ANGPT1: variants seen among roughly 807,000 people sequenced by gnomAD.
The protein encoded by ANGPT1 is angiopoietin-1.
In ANGPT1, 17 loss-of-function variants were observed where a neutral mutation model predicts 62.2. That is an observed-to-expected ratio of 0.27 (90% CI 0.19 to 0.41). The LOEUF (loss-of-function observed/expected upper bound fraction) is 0.41, where lower values mean the gene tolerates loss of function less well. Among genes scored for constraint, ANGPT1 ranks in the 10% least tolerant of loss-of-function variants. ANGPT1 has a pLI of 1.00. For synonymous variants in ANGPT1, 199 were observed against 198.9 expected, an observed-to-expected ratio of 1.00 and a Z score of 0.00; for missense variants, 478 against 594.9, an observed-to-expected ratio of 0.80 and a Z score of 2.04.
chr8:107,436,793 G>A (rs771427055), intron 1 of ANGPT1, among the ~76,000 whole-genome samples: 2 of 152,106 alleles, frequency 1.3e-5, no homozygotes, highest in African/African-American at 2.4e-5. Context: ...TAAAGTGCTC[G>A]TACTGGGACA....
intron 1 of ANGPT1, among the ~76,000 whole-genome samples, chr8:107,463,246 G>A (rs771352509): frequency 3.3e-5 from 5 of 152,018 alleles, no homozygotes; most frequent in Non-Finnish European, 5.9e-5. Flanking sequence ...AGCTGAATCC[G>A]AGTGAGCTTG....
At chr8:107,378,235 A>G (rs1377027274) in intron 1 of ANGPT1, among the ~76,000 whole-genome samples, 1 of 152,170 alleles carries the variant, frequency 6.6e-6, no homozygotes, top group African/African-American at 2.4e-5. Context: ...TGTCATTATG[A>G]TTATTGTTAC....
At chr8:107,324,052 TACA>T (rs1418952151) in intron 3 of ANGPT1, among the ~76,000 whole-genome samples, 51 of 151,808 alleles carry the variant, frequency 3.4e-4, no homozygotes, top group Admixed American at 3.9e-4. Context: ...GTGCTGGGAT[TACA>T]GGCATGAGCC....
rs966330334 is a variant in ANGPT1, at chr8:107,395,523, C to T, written c.298-48426G>A. ...CTGTATCTTTGCCAATTAAAGATGA[C>T]GGTAAACATCTTTATGAGTTTTCAT... is the stretch of plus-strand genomic sequence containing the variant. On this transcript the variant is annotated intron_variant, in intron 1 of 8. Coordinates refer to ENST00000517746, the MANE Select transcript of ANGPT1 (RefSeq NM_001146.5). 4.6e-5 allele frequency among the ~76,000 whole-genome samples: 7 copies of T among 151,948 alleles called. No homozygotes were observed. The South Asian group carries it at 6.2e-4, about 13-fold the overall frequency.
intron 7 of ANGPT1, among the ~76,000 whole-genome samples, chr8:107,281,811 C>T (rs1197356788): frequency 6.6e-6 from 1 of 152,108 alleles, no homozygotes; most frequent in African/African-American, 2.4e-5. Context: ...TACCTACCTC[C>T]AAAAGAGGTT....
intron 1 of ANGPT1, among the ~76,000 whole-genome samples, chr8:107,360,467 T>G (rs1312313267): frequency 1.3e-5 from 2 of 152,194 alleles, no homozygotes; most frequent in Non-Finnish European, 2.9e-5. Flanking sequence ...CTTTCCGCTT[T>G]ATTCAGCCCC....
In ANGPT1 at chr8:107,280,362, G is replaced by A. The variant is rs138699721; in HGVS notation, c.1205+4320C>T. Among the ~76,000 whole-genome samples, 226 of 152,062 alleles carry A rather than the reference G, an allele frequency of 1.5e-3. 1 individual carries two copies. The highest frequency in any genetic ancestry group is 5.2e-3 in the African/African-American group (216 of 41,482). ...ATTATAGGCATGTGCTACCACGCCC[G>A]GCTAATTTTTCTTTAACTACAAACA... On this transcript the variant is annotated intron_variant, in intron 7 of 8. Coordinates refer to ENST00000517746, the MANE Select transcript of ANGPT1 (RefSeq NM_001146.5).
In ANGPT1 at chr8:107,342,320, T is replaced by C. The variant is rs115590677; in HGVS notation, c.453+4622A>G. ...TTCACAAGTATTTATTGAGAGCCTA[T>C]GCACCAGTCCTGTTCTAAATCCTGT... On this transcript the variant is annotated intron_variant, in intron 2 of 8. Coordinates refer to ENST00000517746, the MANE Select transcript of ANGPT1 (RefSeq NM_001146.5). Among the ~76,000 whole-genome samples, 1,460 of 152,314 alleles carry C rather than the reference T, an allele frequency of 9.6e-3. 25 individuals are homozygous for C. The highest frequency in any genetic ancestry group is 0.033 in the African/African-American group (1,353 of 41,572).
intron 6 of ANGPT1, among the ~76,000 whole-genome samples, chr8:107,287,415 C>T (rs571805486): frequency 3.3e-5 from 5 of 152,246 alleles, no homozygotes; most frequent in South Asian, 4.1e-4. Flanking sequence ...CTAAAAAGAA[C>T]GCAGTATAAT....
chr8:107,376,499 A>G (rs1378772314), intron 1 of ANGPT1, among the ~76,000 whole-genome samples: 1 of 152,154 alleles, frequency 6.6e-6, no homozygotes, highest in African/African-American at 2.4e-5. Context: ...AGATCTTACA[A>G]AGGGATAGAA....
chr8:107,480,999 A>G (rs1812661834), intron 1 of ANGPT1, among the ~76,000 whole-genome samples: 2 of 152,166 alleles, frequency 1.3e-5, no homozygotes, highest in South Asian at 4.1e-4. Flanking sequence ...GACTTTCTGG[A>G]GGACCAAAGA....
intron 4 of ANGPT1, among the ~76,000 whole-genome samples, chr8:107,314,828 A>G (rs1014181280): frequency 2.6e-5 from 4 of 152,188 alleles, no homozygotes; most frequent in African/African-American, 7.2e-5. Context: ...GATATATTCC[A>G]TTTTTATCAA....
At chr8:107,348,579 A>G (rs562838444) in intron 1 of ANGPT1, among the ~76,000 whole-genome samples, 59 of 152,332 alleles carry the variant, frequency 3.9e-4, no homozygotes, top group African/African-American at 1.3e-3. Flanking sequence ...TAAAACAAAT[A>G]CAAAATATAT....
intron 3 of ANGPT1, among the ~76,000 whole-genome samples, chr8:107,327,418 T>G (rs1262762742): frequency 6.6e-6 from 1 of 152,086 alleles, no homozygotes; most frequent in Non-Finnish European, 1.5e-5. Flanking sequence ...AGATTTTCCC[T>G]GATGACAGTC....
chr8:107,459,037 T>C (rs1811997137), intron 1 of ANGPT1, among the ~76,000 whole-genome samples: 1 of 152,102 alleles, frequency 6.6e-6, no homozygotes, highest in Admixed American at 6.6e-5. Context: ...CAACTTTCTA[T>C]TTCTTGTGAT....
chr8:107,440,900 C>A (rs1404002038), intron 1 of ANGPT1, among the ~76,000 whole-genome samples: 1 of 152,190 alleles, frequency 6.6e-6, no homozygotes, highest in Admixed American at 6.5e-5. Flanking sequence ...CTAATGTGGA[C>A]ACTCTAAACT....
chr8:107,472,218 CT>C (rs1224595514), intron 1 of ANGPT1, among the ~76,000 whole-genome samples: 3 of 152,002 alleles, frequency 2.0e-5, no homozygotes, highest in Non-Finnish European at 2.9e-5. Context: ...ATCAACATGA[CT>C]TATCTCTGTT....
intron 1 of ANGPT1, among the ~76,000 whole-genome samples, chr8:107,429,207 C>T (rs1311527973): frequency 6.6e-6 from 1 of 152,150 alleles, no homozygotes; most frequent in East Asian, 1.9e-4. Context: ...TTCTTTGCCT[C>T]TTACAGGGCC....
intron 8 of ANGPT1, among the ~76,000 whole-genome samples, chr8:107,262,408 T>C (rs1370559525): frequency 6.6e-6 from 1 of 152,222 alleles, no homozygotes; most frequent in East Asian, 1.9e-4. Flanking sequence ...AATAAGTTTC[T>C]ATGTGTCACA....
Sources: allele counts gnomAD v4.1 joint callset (sites outside exome capture counted in the v4.1 genomes callset), GRCh38; gene constraint gnomAD v4.1.1; transcripts MANE v1.5; gene names NCBI Gene and HGNC (gene_info 2026-07-23, HGNC 2026-07-21).